ADCY2: variants seen among roughly 807,000 people sequenced by gnomAD.
ADCY2 encodes adenylate cyclase 2, also known as adenylate cyclase type 2.
A neutral mutation model predicts 125.2 loss-of-function variants in ADCY2; 31 were observed. The ratio of observed to expected loss-of-function variants is 0.25; its 90% CI spans 0.19 to 0.33. ADCY2 has a LOEUF of 0.33. Ranked by LOEUF, ADCY2 falls within the 10% of genes least tolerant of loss-of-function variation. The probability of loss-of-function intolerance (pLI) is 1.00; values close to 1 mark genes in which losing one functional copy is unlikely to be tolerated. For synonymous variants in ADCY2, 512 were observed against 548.4 expected, an observed-to-expected ratio of 0.93 and a Z score of 0.93; for missense variants, 904 against 1,418.2, an observed-to-expected ratio of 0.64 and a Z score of 5.82.
intron 4 of ADCY2, among the ~76,000 whole-genome samples, chr5:7,663,987 A>G (rs921475638): frequency 6.6e-6 from 1 of 152,194 alleles, no homozygotes; most frequent in Non-Finnish European, 1.5e-5. Flanking sequence ...TGGAGAGGCC[A>G]TTGTGTGGAT....
In ADCY2 at chr5:7,709,205, C is replaced by A. The variant is rs752657189; in HGVS notation, c.1402-6C>A. ...CCAGGTGTGATGCTTTGTTTCTCAC[C>A]CCAAGGGAGAACGACGGAGCCCCCA... On this transcript the variant is annotated splice_region_variant and splice_polypyrimidine_tract_variant and intron_variant, in intron 9 of 24. Transcript: ENST00000338316. The surrounding 1 kb of genome is among the most constrained non-coding windows in gnomAD (Gnocchi z 4.4). 5.0e-6 allele frequency: 8 copies of A among 1,604,018 alleles called. No homozygotes were observed. The South Asian group carries it at 5.6e-5, about 11-fold the overall frequency.
intron 2 of ADCY2, among the ~76,000 whole-genome samples, chr5:7,495,963 G>T (rs187997043): frequency 1.2e-4 from 18 of 152,296 alleles, no homozygotes; most frequent in African/African-American, 4.3e-4. Flanking sequence ...TCTCTGCAAA[G>T]TAACCCATTG....
At chr5:7,650,697 G>A (rs191683485) in intron 4 of ADCY2, among the ~76,000 whole-genome samples, 3 of 152,066 alleles carry the variant, frequency 2.0e-5, no homozygotes, top group African/African-American at 7.2e-5. Context: ...AAATAATGAG[G>A]ACAGAGTGTG....
At chr5:7,443,424 G>A (rs528588541) in intron 2 of ADCY2, among the ~76,000 whole-genome samples, 2 of 151,802 alleles carry the variant, frequency 1.3e-5, no homozygotes, top group South Asian at 2.1e-4. Flanking sequence ...AGGCCGAGGC[G>A]GGTGGATCAC....
At chr5:7,692,970 C>G (rs1446527347) in intron 5 of ADCY2, among the ~76,000 whole-genome samples, 1 of 152,148 alleles carries the variant, frequency 6.6e-6, no homozygotes, top group Non-Finnish European at 1.5e-5. Context: ...ACACCACCAT[C>G]AAGCACAGCA....
intron 1 of ADCY2, among the ~76,000 whole-genome samples, chr5:7,404,431 G>A (rs1229204741): frequency 6.6e-6 from 1 of 152,142 alleles, no homozygotes; most frequent in Non-Finnish European, 1.5e-5. Context: ...CACAACAAAT[G>A]TTTATATTTT....
intron 19 of ADCY2, among the ~76,000 whole-genome samples, chr5:7,784,714 A>G (rs930399799): frequency 7.2e-5 from 11 of 152,022 alleles, no homozygotes; most frequent in Admixed American, 2.0e-4. Flanking sequence ...AAATCTCAAA[A>G]CAAATTTTGT....
intron 4 of ADCY2, among the ~76,000 whole-genome samples, chr5:7,628,970 G>C (rs1169093426): frequency 6.6e-6 from 1 of 152,214 alleles, no homozygotes; most frequent in African/African-American, 2.4e-5. Context: ...TCAAATTCAG[G>C]TTTGGGTTCC....
At chr5:7,636,282 A>G (rs1160738023) in intron 4 of ADCY2, among the ~76,000 whole-genome samples, 2 of 152,264 alleles carry the variant, frequency 1.3e-5, no homozygotes, top group Non-Finnish European at 2.9e-5. Flanking sequence ...CAGCAGGTGC[A>G]GAATGAGAGA....
chr5:7,401,433 C>T (rs1434554127), intron 1 of ADCY2, among the ~76,000 whole-genome samples: 1 of 152,130 alleles, frequency 6.6e-6, no homozygotes, highest in African/African-American at 2.4e-5. Context: ...GTCTAGAATT[C>T]CCAGCGCTGG....
chr5:7,819,206 T>A (rs772383631), intron 23 of ADCY2, among the ~76,000 whole-genome samples: 23 of 152,102 alleles, frequency 1.5e-4, no homozygotes, highest in Non-Finnish European at 3.1e-4. Flanking sequence ...CCTTTCCCAA[T>A]CCACTCACTC....
chr5:7,670,320 C>T (rs1294850278), intron 4 of ADCY2, among the ~76,000 whole-genome samples: 3 of 152,066 alleles, frequency 2.0e-5, no homozygotes, highest in African/African-American at 4.8e-5. Context: ...TGTGATAGCC[C>T]GAGCCGATGG....
intron 1 of ADCY2, among the ~76,000 whole-genome samples, chr5:7,413,960 T>C (rs1739835503): frequency 6.6e-6 from 1 of 152,240 alleles, no homozygotes; most frequent in African/African-American, 2.4e-5. Context: ...ATGTTTGTTA[T>C]TTTATTTTCT....
chr5:7,826,053 G>A (rs530404853), intron 24 of ADCY2, among the ~76,000 whole-genome samples: 2 of 152,360 alleles, frequency 1.3e-5, no homozygotes, highest in South Asian at 4.1e-4. Context: ...TCAATGCAGT[G>A]AAGCGAGGAG....
chr5:7,590,518 T>G (rs1039571671), intron 3 of ADCY2, among the ~76,000 whole-genome samples: 1 of 152,166 alleles, frequency 6.6e-6, no homozygotes, highest in Non-Finnish European at 1.5e-5. Context: ...TCAAGACTTT[T>G]GTGCTTGTTT....
At chr5:7,460,176 T>G (rs2126437625) in intron 2 of ADCY2, among the ~76,000 whole-genome samples, 1 of 152,266 alleles carries the variant, frequency 6.6e-6, no homozygotes, top group Non-Finnish European at 1.5e-5. Flanking sequence ...AAAATTCTAC[T>G]TAGTAGAATT....
At chr5:7,585,121 G>A (rs1736585666) in intron 3 of ADCY2, among the ~76,000 whole-genome samples, 1 of 152,156 alleles carries the variant, frequency 6.6e-6, no homozygotes, top group African/African-American at 2.4e-5. Flanking sequence ...TAGAAGTCTT[G>A]CATCACAATG....
chr5:7,501,887 G>A (rs984620077), intron 2 of ADCY2, among the ~76,000 whole-genome samples: 2 of 151,906 alleles, frequency 1.3e-5, no homozygotes, highest in African/African-American at 2.4e-5. Context: ...CCACACTCTC[G>A]TCATTTCAAC....
At chr5:7,558,191 T>C (rs1735594552) in intron 3 of ADCY2, among the ~76,000 whole-genome samples, 1 of 152,104 alleles carries the variant, frequency 6.6e-6, no homozygotes, top group Admixed American at 6.5e-5. Context: ...TAGCTGGGGT[T>C]ACAGGTGCAC....
Sources: gnomAD v4.1 joint callset for allele counts (sites outside exome capture counted in the v4.1 genomes callset) on GRCh38, gnomAD v4.1.1 for gene constraint, Gnocchi (gnomAD v3.1) non-coding constraint, MANE v1.5 for transcripts, NCBI Gene and HGNC (gene_info 2026-07-23, HGNC 2026-07-21) for gene names.